Variants in ZFPM2 observed in about 807,000 individuals in gnomAD.
The protein encoded by ZFPM2 is zinc finger protein, FOG family member 2.
ZFPM2 carries 20 observed loss-of-function variants against 98.6 expected under a neutral mutation model. The observed-to-expected ratio is 0.20, with a 90% confidence interval of 0.14 to 0.29. The LOEUF is 0.29. ZFPM2 is among the 10% of genes least tolerant of loss of function. The pLI, the probability that ZFPM2 is intolerant of heterozygous loss-of-function variation, is 1.00. For missense variants in ZFPM2, 1,310 were observed against 1,388.6 expected, an observed-to-expected ratio of 0.94 and a Z score of 0.90; for synonymous variants, 518 against 502.7, an observed-to-expected ratio of 1.03 and a Z score of -0.41.
chr8:105,739,776 C>G (rs1170423413), intron 5 of ZFPM2, among the ~76,000 whole-genome samples: 3 of 151,760 alleles, frequency 2.0e-5, no homozygotes, highest in African/African-American at 7.3e-5. Flanking sequence ...CAGCTTCTTT[C>G]AAGTCATCTT....
chr8:105,564,209 G>C (rs1382578755), intron 4 of ZFPM2, among the ~76,000 whole-genome samples: 2 of 151,678 alleles, frequency 1.3e-5, no homozygotes, highest in East Asian at 3.9e-4. Flanking sequence ...CAGAATTTTT[G>C]ATACTATTTA....
At chr8:105,636,936 C>A (rs1816857856) in intron 5 of ZFPM2, among the ~76,000 whole-genome samples, 1 of 152,086 alleles carries the variant, frequency 6.6e-6, no homozygotes, top group Non-Finnish European at 1.5e-5. Context: ...ACATACTACC[C>A]CATTTTACAA....
chr8:105,606,259 C>G (rs1816194649), intron 4 of ZFPM2, among the ~76,000 whole-genome samples: 1 of 152,162 alleles, frequency 6.6e-6, no homozygotes, highest in East Asian at 1.9e-4. Flanking sequence ...TAAGAGGACA[C>G]TTTTTTATAT....
chr8:105,757,561 C>A (rs1270373152), intron 5 of ZFPM2, among the ~76,000 whole-genome samples: 2 of 152,068 alleles, frequency 1.3e-5, no homozygotes, highest in Admixed American at 1.3e-4. Flanking sequence ...CTCCATAATT[C>A]AAAATAAATT....
At chr8:105,434,818 A>G (rs1395681897) in intron 2 of ZFPM2, among the ~76,000 whole-genome samples, 1 of 152,234 alleles carries the variant, frequency 6.6e-6, no homozygotes, top group African/African-American at 2.4e-5. Flanking sequence ...TACATGGATT[A>G]AAAGAGCAAG....
chr8:105,483,997 G>T (rs564938604), intron 3 of ZFPM2, among the ~76,000 whole-genome samples: 11 of 151,908 alleles, frequency 7.2e-5, no homozygotes, highest in Non-Finnish European at 1.6e-4. Flanking sequence ...GCCTCCCAAG[G>T]TGCTGGGATT....
chr8:105,474,197 C>T (rs748921750), intron 3 of ZFPM2, among the ~76,000 whole-genome samples: 26 of 152,130 alleles, frequency 1.7e-4, no homozygotes, highest in Non-Finnish European at 3.1e-4. Flanking sequence ...TGTCTCTCTT[C>T]GCTCTGTTTT....
intron 5 of ZFPM2, among the ~76,000 whole-genome samples, chr8:105,689,802 C>A (rs1810834348): frequency 6.6e-6 from 1 of 152,150 alleles, no homozygotes; most frequent in Non-Finnish European, 1.5e-5. Context: ...CTGTGTGCAG[C>A]TGAATAAATA....
intron 1 of ZFPM2, among the ~76,000 whole-genome samples, chr8:105,348,388 CTCA>C (rs1244506951): frequency 6.6e-6 from 1 of 152,306 alleles, no homozygotes; most frequent in South Asian, 2.1e-4. Flanking sequence ...TCTGTAGTGT[CTCA>C]TCATGTGACA....
chr8:105,352,807 C>G (rs1332198709), intron 1 of ZFPM2, among the ~76,000 whole-genome samples: 3 of 152,068 alleles, frequency 2.0e-5, no homozygotes, highest in Non-Finnish European at 4.4e-5. Context: ...TAACATTTAA[C>G]ATTTAAACCT....
At chr8:105,630,870 G>T (rs1210238970) in intron 4 of ZFPM2, among the ~76,000 whole-genome samples, 1 of 152,008 alleles carries the variant, frequency 6.6e-6, no homozygotes, top group East Asian at 1.9e-4. Context: ...AGGGAGGGGG[G>T]AGTGGAAAAA....
At chr8:105,465,364 G>A (rs752967768) in intron 3 of ZFPM2, among the ~76,000 whole-genome samples, 1 of 151,826 alleles carries the variant, frequency 6.6e-6, no homozygotes, top group East Asian at 1.9e-4. Context: ...ATTGAATATA[G>A]AACCATATTG....
At chr8:105,698,391 A>G (rs1811068311) in intron 5 of ZFPM2, among the ~76,000 whole-genome samples, 1 of 152,230 alleles carries the variant, frequency 6.6e-6, no homozygotes, top group Non-Finnish European at 1.5e-5. Context: ...AACATATTCA[A>G]AGCTCCAAGA....
intron 5 of ZFPM2, among the ~76,000 whole-genome samples, chr8:105,731,465 A>G (rs1033272189): frequency 2.0e-5 from 3 of 151,656 alleles, no homozygotes; most frequent in Non-Finnish European, 4.4e-5. Context: ...TGAAAGGCAC[A>G]ATGAACAGTC....
chr8:105,696,349 T>TA (rs1811019165), intron 5 of ZFPM2, among the ~76,000 whole-genome samples: 2 of 152,166 alleles, frequency 1.3e-5, no homozygotes, highest in Admixed American at 1.3e-4. Flanking sequence ...CCTTCCCCCT[T>TA]AATCCCTTTC....
In ZFPM2 at chr8:105,801,226, C is replaced by G. The variant is rs1160935850; in HGVS notation, c.1144C>G (p.Gln382Glu). The G allele has an allele frequency of 2.5e-6, 4 of 1,613,828 alleles. No individual in the cohort carries two copies. In the African/African-American group the frequency reaches 5.3e-5, roughly 22 times the overall value. Residue 382 changes from glutamine to glutamate, a missense_variant, in exon 8 of 8, where the codon CAG becomes GAG. Transcript: ENST00000407775. ...GACTCAGAGGGAGTTATTGCAGCAC[C>G]AGGAGCTCCATGTCCCTAGCGGCAA... The part of the protein sequence containing the change: ...FQTQRELLQH[Q>E]ELHVPSGKLP...
intron 3 of ZFPM2, among the ~76,000 whole-genome samples, chr8:105,538,728 G>C (rs1362485597): frequency 6.6e-6 from 1 of 151,944 alleles, no homozygotes; most frequent in African/African-American, 2.4e-5. Flanking sequence ...CAATGAGATG[G>C]AGGCTGGGTG....
At chr8:105,607,886 G>A (rs1816227161) in intron 4 of ZFPM2, among the ~76,000 whole-genome samples, 1 of 152,046 alleles carries the variant, frequency 6.6e-6, no homozygotes, top group Non-Finnish European at 1.5e-5. Flanking sequence ...AAAGACACAT[G>A]CACACAAGTG....
At chr8:105,335,164 G>A (rs1240844831) in intron 1 of ZFPM2, among the ~76,000 whole-genome samples, 7 of 151,742 alleles carry the variant, frequency 4.6e-5, no homozygotes, top group Non-Finnish European at 7.4e-5. Context: ...ATTATAATCC[G>A]AAAACAAATG....
Sources: allele counts gnomAD v4.1 joint callset (sites outside exome capture counted in the v4.1 genomes callset), GRCh38; gene constraint gnomAD v4.1.1; transcripts MANE v1.5; gene names NCBI Gene and HGNC (gene_info 2026-07-23, HGNC 2026-07-21).